Variants in PSPC1 observed in about 807,000 individuals in gnomAD.
PSPC1 encodes paraspeckle component 1.
PSPC1 carries 14 observed loss-of-function variants against 51.6 expected under a neutral mutation model. The observed-to-expected ratio is 0.27, with a 90% confidence interval of 0.18 to 0.42. The LOEUF (loss-of-function observed/expected upper bound fraction) is 0.42, where lower values mean the gene tolerates loss of function less well. PSPC1 is among the 10% of genes least tolerant of loss of function. PSPC1 has a pLI of 1.00. For missense variants in PSPC1, 406 were observed against 701.1 expected, an observed-to-expected ratio of 0.58 and a Z score of 4.75; for synonymous variants, 193 against 231.9, an observed-to-expected ratio of 0.83 and a Z score of 1.53.
At chr13:19,767,233 TAAGGA>T (rs1179787590) in intron 2 of PSPC1, among the ~76,000 whole-genome samples, 3 of 152,064 alleles carry the variant, frequency 2.0e-5, no homozygotes, top group Non-Finnish European at 2.9e-5. Context: ...GAGCATTCTC[TAAGGA>T]AAGAGAATAA....
chr13:19,703,161 G>T lies in PSPC1; in HGVS notation c.*14C>A. On this transcript the variant is annotated 3_prime_UTR_variant, in exon 9 of 9. Transcript: ENST00000338910. ...GACTTTTTTTTTTCTAGATAGCCAG[G>T]AATGAACGAATGTTTAATATCTACG... is the stretch of plus-strand genomic sequence containing the variant. 6.2e-7 allele frequency: 1 copy of T among 1,611,770 alleles called. No individual in the cohort carries two copies. The highest frequency in any genetic ancestry group is 1.1e-5 in the South Asian group (1 of 90,912).
chr13:19,778,376 TCCCCC>T (rs1889433103), intron 1 of PSPC1, among the ~76,000 whole-genome samples: 1 of 27,974 alleles, frequency 3.6e-5, no homozygotes, highest in East Asian at 1.8e-3. Context: ...CCCCTCCCCC[TCCCCC>T]TCCCCCTCCC....
At chr13:19,754,534 G>A (rs1341464178) in intron 3 of PSPC1, among the ~76,000 whole-genome samples, 3 of 149,658 alleles carry the variant, frequency 2.0e-5, no homozygotes, top group East Asian at 2.0e-4. Context: ...CCACCTCCCG[G>A]ATTCAAGCGA....
Position 19,782,425 on chromosome 13 carries a change from G to C in PSPC1, c.333C>G (p.Val111=). The C allele has an allele frequency of 6.2e-7, 1 of 1,606,732 alleles. No homozygotes were observed. Among genetic ancestry groups the C allele is most frequent in the African/African-American group, 1.3e-5 (1 of 74,200 alleles). ...LFERYGEPSE[V]FINRDRGFGF... ...CGAAGCCACGGTCCCGGTTGATGAA[G>C]ACTTCGCTGGGCTCGCCATAGCGTT... The change falls in exon 1 of 9, where the codon GTC becomes GTG. Residue 111 remains valine (V), a synonymous_variant. Transcript: ENST00000338910. This position sits in a 1 kb window ranked among gnomAD's most constrained non-coding sequence, Gnocchi z 4.5.
chr13:19,771,592 C>T (rs553987953), intron 2 of PSPC1, among the ~76,000 whole-genome samples: 4 of 151,844 alleles, frequency 2.6e-5, no homozygotes, highest in African/African-American at 7.2e-5. Flanking sequence ...TGTGTCACCA[C>T]GCCCAATTAA....
At chr13:19,716,290 G>C (rs1481603990) in intron 6 of PSPC1, among the ~76,000 whole-genome samples, 1 of 152,128 alleles carries the variant, frequency 6.6e-6, no homozygotes, top group Non-Finnish European at 1.5e-5. Flanking sequence ...TAATTTAAAG[G>C]AATGACTTAA....
chr13:19,735,207 G>C (rs995738532), intron 5 of PSPC1, among the ~76,000 whole-genome samples: 2 of 152,076 alleles, frequency 1.3e-5, no homozygotes, highest in African/African-American at 4.8e-5. Context: ...AGCTACTCGG[G>C]AGGCTGAGGC....
intron 3 of PSPC1, among the ~76,000 whole-genome samples, chr13:19,758,845 A>C (rs559446341): frequency 5.3e-5 from 8 of 152,080 alleles, no homozygotes; most frequent in South Asian, 2.1e-4. Context: ...CAAAAACAAA[A>C]AAAAAAAAAG....
intron 4 of PSPC1, among the ~76,000 whole-genome samples, chr13:19,748,069 TG>T (rs1740647049): frequency 6.6e-6 from 1 of 152,030 alleles, no homozygotes; most frequent in African/African-American, 2.4e-5. Flanking sequence ...CAAAATTAGC[TG>T]GGCGTGGTGG....
intron 5 of PSPC1, among the ~76,000 whole-genome samples, chr13:19,736,506 A>G (rs890651161): frequency 6.6e-6 from 1 of 151,958 alleles, no homozygotes; most frequent in African/African-American, 2.4e-5. Flanking sequence ...ACACAGTGAA[A>G]CCCCATCTCT....
chr13:19,684,336 G>C (rs1247699130), intron 6 of PSPC1, among the ~76,000 whole-genome samples: 1 of 152,118 alleles, frequency 6.6e-6, no homozygotes, highest in Admixed American at 6.5e-5. Flanking sequence ...GCATTTTTTA[G>C]TTCAAGAAAT....
At chr13:19,737,648 A>G (rs1566012207) in intron 5 of PSPC1, among the ~76,000 whole-genome samples, 1 of 152,170 alleles carries the variant, frequency 6.6e-6, no homozygotes, top group Non-Finnish European at 1.5e-5. Context: ...ACTATGCAAA[A>G]ACCCTGTTTC....
intron 6 of PSPC1, among the ~76,000 whole-genome samples, chr13:19,714,612 A>C (rs1308790541): frequency 2.4e-5 from 2 of 82,472 alleles, no homozygotes; most frequent in Admixed American, 1.5e-4. Context: ...CTCCTGCCTC[A>C]GCCTCAAGGG....
intron 6 of PSPC1, among the ~76,000 whole-genome samples, 181 bp downstream of exon 6, chr13:19,730,058 T>G (rs1883855685): frequency 6.6e-6 from 1 of 152,122 alleles, no homozygotes; most frequent in South Asian, 2.1e-4. Context: ...CATAGATATC[T>G]TCAGAAACTA....
At chr13:19,692,264 C>A (rs1233185015) in intron 6 of PSPC1, among the ~76,000 whole-genome samples, 1 of 152,122 alleles carries the variant, frequency 6.6e-6, no homozygotes, top group Non-Finnish European at 1.5e-5. Context: ...GCTGGAACCA[C>A]AGGTTTGCGT....
intron 6 of PSPC1, among the ~76,000 whole-genome samples, chr13:19,683,011 T>G (rs1877452784): frequency 6.6e-6 from 1 of 152,086 alleles, no homozygotes; most frequent in African/African-American, 2.4e-5. Flanking sequence ...AAGGCTGCAG[T>G]GAGCTATGAT....
chr13:19,677,066 C>T (rs1045565573), intron 7 of PSPC1, among the ~76,000 whole-genome samples: 1 of 152,046 alleles, frequency 6.6e-6, no homozygotes, highest in South Asian at 2.1e-4. Context: ...AACCCCGTCT[C>T]TACTAAAAAT....
At chr13:19,746,580 C>T (rs1886010978) in intron 4 of PSPC1, among the ~76,000 whole-genome samples, 1 of 150,798 alleles carries the variant, frequency 6.6e-6, no homozygotes, top group Non-Finnish European at 1.5e-5. Flanking sequence ...CAAAAATTAG[C>T]CGGGTATGGT....
intron 6 of PSPC1, among the ~76,000 whole-genome samples, chr13:19,719,890 C>G (rs1882562000): frequency 6.6e-6 from 1 of 152,072 alleles, no homozygotes; most frequent in African/African-American, 2.4e-5. Flanking sequence ...CTATGTTGCC[C>G]GAGCTGGCCT....
Sources: allele counts gnomAD v4.1 joint callset (sites outside exome capture counted in the v4.1 genomes callset), GRCh38; gene constraint gnomAD v4.1.1; non-coding constraint Gnocchi (gnomAD v3.1); transcripts MANE v1.5; gene names NCBI Gene and HGNC (gene_info 2026-07-23, HGNC 2026-07-21).